Variants in CSMD1 observed in about 807,000 individuals in gnomAD.
The protein encoded by CSMD1 is CUB and sushi domain-containing protein 1.
CSMD1 carries 213 observed loss-of-function variants against 417.5 expected under a neutral mutation model. The ratio of observed to expected loss-of-function variants is 0.51; its 90% CI spans 0.46 to 0.57. The LOEUF (loss-of-function observed/expected upper bound fraction) is 0.57. Ranked by LOEUF, CSMD1 falls within the 20% of genes least tolerant of loss-of-function variation. The probability of loss-of-function intolerance (pLI) is 0.00; values close to 1 mark genes in which losing one functional copy is unlikely to be tolerated. For synonymous variants in CSMD1, 2,862 were observed against 1,736.8 expected, an observed-to-expected ratio of 1.65 and a Z score of -16.11; for missense variants, 6,923 against 4,529.7, an observed-to-expected ratio of 1.53 and a Z score of -15.17.
chr8:4,038,792 C>A (rs1381866714), intron 3 of CSMD1, among the ~76,000 whole-genome samples: 1 of 152,324 alleles, frequency 6.6e-6, no homozygotes, highest in South Asian at 2.1e-4. Flanking sequence ...GCTCTGGGCA[C>A]AGTTGTTTTC....
At chr8:4,035,249 C>G (rs960591961) in intron 3 of CSMD1, among the ~76,000 whole-genome samples, 8 of 152,150 alleles carry the variant, frequency 5.3e-5, no homozygotes, top group Non-Finnish European at 1.0e-4. Flanking sequence ...AACAAACCAC[C>G]TGTGCAGCCA....
chr8:3,368,764 T>C (rs958422126), intron 19 of CSMD1, among the ~76,000 whole-genome samples: 7 of 152,236 alleles, frequency 4.6e-5, no homozygotes, highest in African/African-American at 1.7e-4. Context: ...TTCACTATGC[T>C]TACCTATAAA....
intron 3 of CSMD1, among the ~76,000 whole-genome samples, chr8:4,126,331 C>T (rs1395279928): frequency 6.6e-6 from 1 of 152,200 alleles, no homozygotes; most frequent in East Asian, 1.9e-4. Context: ...GGGCAGGGGG[C>T]AAGGTGAACC....
chr8:3,958,966 G>A (rs941451480), intron 5 of CSMD1, among the ~76,000 whole-genome samples: 6 of 152,194 alleles, frequency 3.9e-5, no homozygotes, highest in Non-Finnish European at 7.3e-5. Context: ...CTTAGGATCT[G>A]TGAGCTCCCG....
intron 1 of CSMD1, among the ~76,000 whole-genome samples, chr8:4,912,547 T>C (rs775740002): frequency 4.6e-5 from 7 of 152,158 alleles, no homozygotes; most frequent in African/African-American, 9.7e-5. Context: ...ATCCCACCTT[T>C]AGTGACTTCA....
At chr8:4,377,361 T>C (rs940385661) in intron 3 of CSMD1, among the ~76,000 whole-genome samples, 7 of 152,208 alleles carry the variant, frequency 4.6e-5, no homozygotes, top group African/African-American at 1.7e-4. Context: ...TGGCTTTTAA[T>C]GGTTTGCTTC....
At chr8:3,601,489 C>T (rs537577990) in intron 8 of CSMD1, among the ~76,000 whole-genome samples, 38 of 152,272 alleles carry the variant, frequency 2.5e-4, no homozygotes, top group African/African-American at 8.9e-4. Context: ...TGACATACAC[C>T]AGGCAGGCCA....
chr8:3,691,159 G>C (rs375336822), intron 7 of CSMD1, among the ~76,000 whole-genome samples: 3 of 152,074 alleles, frequency 2.0e-5, no homozygotes, highest in Non-Finnish European at 4.4e-5. Context: ...CTGAGGTCAG[G>C]AGTTTGAGAC....
chr8:4,453,230 C>G (rs975386054), intron 2 of CSMD1, among the ~76,000 whole-genome samples: 1 of 133,518 alleles, frequency 7.5e-6, no homozygotes, highest in Non-Finnish European at 1.7e-5. Flanking sequence ...CACACACACA[C>G]ACACACACAC....
chr8:3,688,564 A>G (rs1328045599), intron 7 of CSMD1, among the ~76,000 whole-genome samples: 1 of 152,222 alleles, frequency 6.6e-6, no homozygotes, highest in African/African-American at 2.4e-5. Flanking sequence ...TGCTTAATAA[A>G]TGTTAGCAAT....
rs1800226025 is a variant in CSMD1 at position 3,578,071 on chromosome 8, A to C, written c.1223-3005T>G. ...AGGAAAGCTTACATTAATTTCTCTG[A>C]ATTTCATAGTGGAGAGAGAAGAGCC... On this transcript the variant is annotated intron_variant, in intron 9 of 69. Coordinates refer to ENST00000635120, the MANE Select transcript of CSMD1 (RefSeq NM_033225.6). Among the ~76,000 whole-genome samples, 2 of 152,112 alleles carry C rather than the reference A, an allele frequency of 1.3e-5. 1 individual carries two copies. Among genetic ancestry groups the C allele is most frequent in the South Asian group, 4.2e-4 (2 of 4,818 alleles).
At chr8:4,189,431 A>G (rs908645833) in intron 3 of CSMD1, among the ~76,000 whole-genome samples, 5 of 152,226 alleles carry the variant, frequency 3.3e-5, no homozygotes, top group African/African-American at 1.2e-4. Context: ...ATAAGAAAAA[A>G]ACAGTAGTCC....
intron 1 of CSMD1, among the ~76,000 whole-genome samples, chr8:4,904,668 G>C (rs994230890): frequency 6.6e-6 from 1 of 152,148 alleles, no homozygotes; most frequent in Non-Finnish European, 1.5e-5. Flanking sequence ...TTGTGAGCCT[G>C]TCCTTGTTAA....
At chr8:3,343,647 T>A (rs998731608) in intron 22 of CSMD1, among the ~76,000 whole-genome samples, 197 bp from the exon 23 acceptor site, 1 of 152,220 alleles carries the variant, frequency 6.6e-6, no homozygotes, top group Non-Finnish European at 1.5e-5. Context: ...CCATTAACAC[T>A]GGAGGCAAAA....
chr8:4,562,161 C>T (rs899107333), intron 2 of CSMD1, among the ~76,000 whole-genome samples: 1 of 152,006 alleles, frequency 6.6e-6, no homozygotes, highest in African/African-American at 2.4e-5. Flanking sequence ...AGAAAACATA[C>T]AAGGAAGCAT....
intron 3 of CSMD1, among the ~76,000 whole-genome samples, chr8:4,245,678 A>G (rs1802661632): frequency 6.6e-6 from 1 of 152,148 alleles, no homozygotes; most frequent in African/African-American, 2.4e-5. Context: ...TATGAATGAC[A>G]ATTTAAATTA....
intron 1 of CSMD1, among the ~76,000 whole-genome samples, chr8:4,643,573 T>G (rs1445138782): frequency 6.6e-6 from 1 of 152,136 alleles, no homozygotes; most frequent in Non-Finnish European, 1.5e-5. Context: ...CGATTTTCAG[T>G]GAATTTTTTT....
chr8:3,351,588 G>C (rs1808424948), intron 21 of CSMD1, among the ~76,000 whole-genome samples: 1 of 127,504 alleles, frequency 7.8e-6, no homozygotes, highest in Non-Finnish European at 1.6e-5. Flanking sequence ...CACAGTGTGA[G>C]ACTCTGTTTC....
At chr8:3,359,040 C>T (rs912422128) in intron 21 of CSMD1, 112 bp downstream of exon 21, 2 of 957,800 alleles carry the variant, frequency 2.1e-6, no homozygotes, top group Non-Finnish European at 3.2e-6. Flanking sequence ...ACACTTTCAC[C>T]CTCTCCTTCC....
Sources: gnomAD v4.1 joint callset for allele counts (sites outside exome capture counted in the v4.1 genomes callset) on GRCh38, gnomAD v4.1.1 for gene constraint, MANE v1.5 for transcripts, NCBI Gene and HGNC (gene_info 2026-07-23, HGNC 2026-07-21) for gene names.